The following RAB28 variants were observed in gnomAD, a reference collection of about 807,000 sequenced individuals.
RAB28 encodes the protein RAB28, member RAS oncogene family, also known as ras-related protein Rab-28.
RAB28 carries 24 observed loss-of-function variants against 31.7 expected under a neutral mutation model. The ratio of observed to expected loss-of-function variants is 0.76; its 90% CI spans 0.55 to 1.06. The LOEUF is 1.06. RAB28 is among the 50% of genes least tolerant of loss of function. The pLI is 0.00. For synonymous variants in RAB28, 100 were observed against 90.4 expected (o/e 1.11, Z -0.60); for missense variants, 254 against 258.5 (o/e 0.98, Z 0.12).
intron 4 of RAB28, among the ~76,000 whole-genome samples, chr4:13,386,412 GA>G (rs370951850): frequency 0.055 from 8,242 of 149,536 alleles, 494 homozygotes; most frequent in African/African-American, 0.15. Flanking sequence ...AAATTTACAA[GA>G]AAAAAAAACA....
At chr4:13,381,680 AAT>A in intron 4 of RAB28, 86 bp from the exon 5 acceptor site, 1 of 932,400 alleles carries the variant, frequency 1.1e-6, no homozygotes, top group South Asian at 1.7e-5. Flanking sequence ...CTTGCTTTCC[AAT>A]ATTATATTCC....
At chr4:13,402,370 G>A (rs1051209821) in intron 4 of RAB28, among the ~76,000 whole-genome samples, 15 of 152,170 alleles carry the variant, frequency 9.9e-5, no homozygotes, top group African/African-American at 3.6e-4. Context: ...AGATTCAATG[G>A]TAGGTTTGTC....
chr4:13,421,486 T>G (rs878868817), intron 4 of RAB28, among the ~76,000 whole-genome samples: 1 of 152,138 alleles, frequency 6.6e-6, no homozygotes, highest in Non-Finnish European at 1.5e-5. Flanking sequence ...GGAGGCATCA[T>G]GCTACCTGAC....
intron 4 of RAB28, among the ~76,000 whole-genome samples, chr4:13,458,985 G>T (rs949722191): frequency 6.6e-6 from 1 of 152,208 alleles, no homozygotes; most frequent in African/African-American, 2.4e-5. Context: ...TGAGTCAGTG[G>T]ACTGGGAGAG....
At chr4:13,477,895 T>C (rs1003378373) in intron 2 of RAB28, among the ~76,000 whole-genome samples, 65 of 151,720 alleles carry the variant, frequency 4.3e-4, no homozygotes, top group African/African-American at 1.4e-3. Context: ...CTGTATAAAA[T>C]GTCTGAAAAC....
At chr4:13,420,230 A>C (rs1713047495) in intron 4 of RAB28, among the ~76,000 whole-genome samples, 1 of 152,200 alleles carries the variant, frequency 6.6e-6, no homozygotes, top group Non-Finnish European at 1.5e-5. Context: ...CTCTGAATAG[A>C]CCAGTAACAG....
chr4:13,451,721 G>C (rs1010362973), intron 4 of RAB28, among the ~76,000 whole-genome samples: 1 of 151,586 alleles, frequency 6.6e-6, no homozygotes, highest in Non-Finnish European at 1.5e-5. Flanking sequence ...CTTGCATTTA[G>C]GTTTTTTATA....
intron 1 of RAB28, among the ~76,000 whole-genome samples, chr4:13,480,809 G>GT (rs1394812676): frequency 6.6e-6 from 1 of 151,892 alleles, no homozygotes; most frequent in Non-Finnish European, 1.5e-5. Context: ...TTTGACACAT[G>GT]TAACACTATC....
At chr4:13,388,040 G>A (rs1422497908) in intron 4 of RAB28, among the ~76,000 whole-genome samples, 2 of 150,948 alleles carry the variant, frequency 1.3e-5, no homozygotes, top group Non-Finnish European at 1.5e-5. Flanking sequence ...CTATCATTCA[G>A]TATTTTGTAA....
chr4:13,404,886 C>T (rs545014188), intron 4 of RAB28, among the ~76,000 whole-genome samples: 1 of 150,912 alleles, frequency 6.6e-6, no homozygotes, highest in South Asian at 2.1e-4. Flanking sequence ...CAGTTACCCA[C>T]CATTTTGTTT....
intron 4 of RAB28, among the ~76,000 whole-genome samples, chr4:13,385,614 T>C (rs932879143): frequency 6.6e-6 from 1 of 152,088 alleles, no homozygotes; most frequent in African/African-American, 2.4e-5. Context: ...AATAAGATCC[T>C]TTTCAGACAA....
intron 4 of RAB28, among the ~76,000 whole-genome samples, chr4:13,399,330 T>C (rs955279335): frequency 2.0e-5 from 3 of 152,214 alleles, no homozygotes; most frequent in African/African-American, 7.2e-5. Flanking sequence ...TCTACCACAA[T>C]CTATAAATAT....
chr4:13,407,226 G>A (rs1000311704), intron 4 of RAB28, among the ~76,000 whole-genome samples: 1 of 152,102 alleles, frequency 6.6e-6, no homozygotes, highest in Non-Finnish European at 1.5e-5. Flanking sequence ...TCTGCATATG[G>A]CTAGCCAGTT....
chr4:13,484,214 G>A lies in RAB28; in HGVS notation c.-64C>T, dbSNP rs1328900100. The A allele has an allele frequency of 6.7e-6, 9 of 1,347,980 alleles. No individual in the cohort carries two copies. Among genetic ancestry groups the A allele is most frequent in the African/African-American group, 1.4e-5 (1 of 69,030 alleles). The allele number at this position is 1,347,980 out of a possible 1,614,324, so 83.5% of individuals were successfully genotyped here. ...GGGAAGGGAAGGATGAAGGCTCCGGGGGCGGGGGAGAGGAGGAAGGGAGGT... is the reference window on the plus strand; with the variant it reads ...GGGAAGGGAAGGATGAAGGCTCCGGAGGCGGGGGAGAGGAGGAAGGGAGGT... On this transcript the variant is annotated 5_prime_UTR_variant, in exon 1 of 7. Transcript: ENST00000330852.
intron 4 of RAB28, among the ~76,000 whole-genome samples, chr4:13,392,994 G>A (rs535042873): frequency 5.9e-5 from 9 of 152,188 alleles, no homozygotes; most frequent in African/African-American, 2.2e-4. Flanking sequence ...TATGTGCCTG[G>A]CATATACTCA....
intron 4 of RAB28, chr4:13,459,914 T>G (rs748274971): frequency 3.1e-6 from 4 of 1,289,338 alleles, no homozygotes; most frequent in Non-Finnish European, 4.0e-6. Flanking sequence ...TAATCCATGC[T>G]GCTTTCCTAG....
intron 4 of RAB28, among the ~76,000 whole-genome samples, chr4:13,443,022 A>G (rs1369991092): frequency 1.3e-5 from 2 of 152,238 alleles, no homozygotes; most frequent in African/African-American, 4.8e-5. Context: ...GGAAATTACA[A>G]TTTCTCATCT....
In RAB28 at chr4:13,379,922, TA is replaced by T. The variant is rs570177745; in HGVS notation, c.495+1568del. ...GAACAAACCATTTCAAAGTACCACTTAAAAAAAATGAAGTTTTTTAATAGTG... is the reference window on the plus strand; with the variant it reads ...GAACAAACCATTTCAAAGTACCACTTAAAAAAATGAAGTTTTTTAATAGTG... On this transcript the variant is annotated intron_variant, in intron 5 of 6. Coordinates refer to ENST00000330852, the MANE Select transcript of RAB28 (RefSeq NM_001017979.3). Among the ~76,000 whole-genome samples, 695 of 151,984 alleles carry T rather than the reference TA, an allele frequency of 4.6e-3. 6 individuals carry two copies. The highest frequency in any genetic ancestry group is 0.016 in the African/African-American group (661 of 41,456).
intron 4 of RAB28, among the ~76,000 whole-genome samples, chr4:13,389,381 TCACAACAATATGACTA>T (rs1226665395): frequency 3.9e-5 from 6 of 152,142 alleles, no homozygotes; most frequent in African/African-American, 1.4e-4. Context: ...AAGATTTGTT[TCACAACAATATGACTA>T]CAGTAACACT....
Sources: gnomAD v4.1 joint callset for allele counts (sites outside exome capture counted in the v4.1 genomes callset) on GRCh38, gnomAD v4.1.1 for gene constraint, MANE v1.5 for transcripts, NCBI Gene and HGNC (gene_info 2026-07-23, HGNC 2026-07-21) for gene names.